Variants in PDLIM7 observed in about 807,000 individuals in gnomAD.
PDLIM7 encodes the protein PDZ and LIM domain 7.
Under a neutral mutation model 53.9 loss-of-function variants are expected in PDLIM7, and 37 were observed. That is an observed-to-expected ratio of 0.69 (90% CI 0.53 to 0.90). PDLIM7 has a LOEUF of 0.90. PDLIM7 is among the 40% of genes least tolerant of loss of function. The pLI is 0.00. For missense variants in PDLIM7, 617 were observed against 638.5 expected (o/e 0.97, Z 0.36); for synonymous variants, 300 against 261.3 (o/e 1.15, Z -1.43).
intron 10 of PDLIM7, chr5:177,484,456 A>G: frequency 2.2e-6 from 1 of 445,600 alleles, no homozygotes; most frequent in Non-Finnish European, 4.1e-6. Flanking sequence ...CATCACGCGG[A>G]TGGCAACTCC....
intron 2 of PDLIM7, among the ~76,000 whole-genome samples, chr5:177,494,133 C>T (rs567036529): frequency 2.6e-5 from 4 of 152,354 alleles, no homozygotes; most frequent in African/African-American, 9.6e-5. Flanking sequence ...ACTGAATCTT[C>T]CAACAACCTT....
intron 5 of PDLIM7, 89 bp downstream of exon 5, chr5:177,491,718 C>A (rs972796862): frequency 4.0e-6 from 3 of 752,948 alleles, no homozygotes; most frequent in Admixed American, 3.8e-5. Context: ...CGGGCTGGGG[C>A]GCAGCACAGA....
In PDLIM7 at chr5:177,492,514, C is replaced by A. The variant is rs887732087; in HGVS notation, c.248+12G>T. ...CCAGCGCGGGCGCACCCATCCATGT[C>A]CACCCGCATACCTGCTGAGGCCCAG... On this transcript the variant is annotated intron_variant, in intron 3 of 12. Transcript: ENST00000355841. 5.6e-6 allele frequency: 9 copies of A among 1,613,642 alleles called. No individual in the cohort carries two copies. The highest frequency in any genetic ancestry group is 1.7e-5 in the Admixed American group (1 of 59,994).
chr5:177,497,179 T>G (rs1398696669), intron 1 of PDLIM7, among the ~76,000 whole-genome samples: 1 of 151,842 alleles, frequency 6.6e-6, no homozygotes, highest in Non-Finnish European at 1.5e-5. Flanking sequence ...AGATGGGGGC[T>G]GGGACCCTCA....
Position 177,488,175 on chromosome 5 carries a change from G to A in PDLIM7, c.943C>T (p.Leu315=), listed in dbSNP as rs200638728. 3 of 1,613,514 alleles carry A rather than the reference G, an allele frequency of 1.9e-6. No homozygotes were observed. The highest frequency in any genetic ancestry group is 2.5e-6 in the Non-Finnish European group (3 of 1,179,968). ...EFVCSQCGKV[L]EEGGFFEEKG... ...TCCTCAAAGAAGCCACCCTCTTCCA[G>A]GACCTTCCCACACTGGCTACACACA... The change falls in exon 10 of 13, where the codon CTG becomes TTG. Residue 315 remains leucine, a synonymous_variant. Transcript: ENST00000355841.
At chr5:177,488,922 G>A (rs1047850983) in intron 9 of PDLIM7, among the ~76,000 whole-genome samples, 8 of 151,860 alleles carry the variant, frequency 5.3e-5, no homozygotes, top group Non-Finnish European at 1.0e-4. Flanking sequence ...ACAGAGATGA[G>A]AGCAGGCCAG....
intron 1 of PDLIM7, chr5:177,496,778 G>C (rs1759095447): frequency 3.6e-6 from 1 of 280,026 alleles, no homozygotes; most frequent in Admixed American, 5.4e-5. Context: ...ATCCAGGCTT[G>C]AGGTTCTTTG....
intron 2 of PDLIM7, 132 bp downstream of exon 2, chr5:177,496,285 C>T (rs1759065829): frequency 3.3e-6 from 2 of 608,248 alleles, no homozygotes; most frequent in South Asian, 2.4e-5. Context: ...GGTACCACTA[C>T]ATCTCCGGAC....
intron 7 of PDLIM7, 84 bp downstream of exon 7, chr5:177,490,786 T>TG: frequency 6.9e-7 from 1 of 1,448,280 alleles, no homozygotes. Context: ...GAGCCCCAGC[T>TG]GGGAGCCTCA....
intron 7 of PDLIM7, chr5:177,490,127 C>T (rs1195701001): frequency 2.7e-6 from 4 of 1,498,960 alleles, no homozygotes; most frequent in Non-Finnish European, 3.6e-6. Flanking sequence ...GGCCCCTTTG[C>T]CAGGTACCCC....
chr5:177,483,777 G>A (rs1271248709), intron 12 of PDLIM7, 47 bp from the exon 13 acceptor site: 5 of 1,584,258 alleles, frequency 3.2e-6, no homozygotes, highest in Middle Eastern at 1.7e-4. Context: ...GGCAGCAGGA[G>A]AGGCCCCTTC....
chr5:177,489,930 G>C (rs1362511325), intron 7 of PDLIM7, 98 bp from the exon 8 acceptor site: 1 of 1,538,640 alleles, frequency 6.5e-7, no homozygotes, highest in Non-Finnish European at 8.7e-7. Flanking sequence ...AGATGACTGG[G>C]GGCGTGGAAA....
intron 2 of PDLIM7, 112 bp from the exon 3 acceptor site, chr5:177,492,789 G>A (rs569476413): frequency 3.3e-6 from 4 of 1,205,756 alleles, no homozygotes; most frequent in Non-Finnish European, 4.7e-6. Context: ...AACCCAGAGA[G>A]CTCTTCATTC....
chr5:177,488,893 A>T (rs909933189), intron 9 of PDLIM7, among the ~76,000 whole-genome samples: 1 of 147,464 alleles, frequency 6.8e-6, no homozygotes. Flanking sequence ...CTGTTTCAAA[A>T]AAAAAAAAAA....
chr5:177,497,100 G>A lies in PDLIM7; in HGVS notation c.-12+428C>T, dbSNP rs534551392. 1.0e-2 allele frequency among the ~76,000 whole-genome samples: 1,502 copies of A among 150,724 alleles called. 17 individuals carry two copies. Among genetic ancestry groups the A allele is most frequent in the Non-Finnish European group, 0.015 (995 of 67,566 alleles). On this transcript the variant is annotated intron_variant, in intron 1 of 12. Coordinates refer to ENST00000355841, the MANE Select transcript of PDLIM7 (RefSeq NM_005451.5). Reference sequence around the variant, plus strand: ...TTCCGGGACCAGTCGAGGCTGCTGGGAGCCAGGGCGGGACCCCTGGGTGCT... The same window carrying A: ...TTCCGGGACCAGTCGAGGCTGCTGGAAGCCAGGGCGGGACCCCTGGGTGCT...
chr5:177,489,698 G>A, intron 8 of PDLIM7, 71 bp from the exon 9 acceptor site: 3 of 1,485,854 alleles, frequency 2.0e-6, no homozygotes, highest in South Asian at 2.6e-5. Context: ...CCAGGCAGCT[G>A]AGAGAAGCCC....
At chr5:177,486,966 T>G (rs113073492) in intron 10 of PDLIM7, among the ~76,000 whole-genome samples, 5 of 75,560 alleles carry the variant, frequency 6.6e-5, no homozygotes, top group Admixed American at 5.7e-4. Flanking sequence ...TTTTTTTTTT[T>G]TGCTGTCTCC....
intron 10 of PDLIM7, among the ~76,000 whole-genome samples, chr5:177,486,499 C>G (rs1373161219): frequency 1.3e-5 from 2 of 152,076 alleles, no homozygotes; most frequent in African/African-American, 4.8e-5. Flanking sequence ...TGGCTCTTCT[C>G]ACTGTCTGGT....
At chr5:177,485,640 C>T (rs983462506) in intron 10 of PDLIM7, among the ~76,000 whole-genome samples, 1 of 152,210 alleles carries the variant, frequency 6.6e-6, no homozygotes, top group Admixed American at 6.5e-5. Flanking sequence ...GGGAGCAGTA[C>T]TACTGGTTCA....
Sources: gnomAD v4.1 joint callset for allele counts (sites outside exome capture counted in the v4.1 genomes callset) on GRCh38, gnomAD v4.1.1 for gene constraint, MANE v1.5 for transcripts, NCBI Gene and HGNC (gene_info 2026-07-23, HGNC 2026-07-21) for gene names.